The following TRIM66 variants were observed in gnomAD, a reference collection of about 807,000 sequenced individuals.
TRIM66 encodes tripartite motif containing 66, also known as tripartite motif-containing protein 66.
In TRIM66, 99 loss-of-function variants were observed where a neutral mutation model predicts 148.2. The observed-to-expected ratio is 0.67, with a 90% CI of 0.57 to 0.79. The LOEUF (loss-of-function observed/expected upper bound fraction) is 0.79. TRIM66 is among the 30% of genes least tolerant of loss of function. The probability of loss-of-function intolerance (pLI) is 0.00; values close to 1 mark genes in which losing one functional copy is unlikely to be tolerated. For synonymous variants in TRIM66, 616 were observed against 635.9 expected, an observed-to-expected ratio of 0.97 and a Z score of 0.47; for missense variants, 1,666 against 1,697.9, an observed-to-expected ratio of 0.98 and a Z score of 0.33.
In TRIM66 at chr11:8,646,440, T is replaced by C. The variant is rs1254690770; in HGVS notation, c.957+7A>G. ...CCCAACCATCTGATCCATCTGTCTA[T>C]ACATACCTCTAATTCCTCTATTAGC... On this transcript the variant is annotated splice_region_variant and intron_variant, in intron 11 of 24. Transcript: ENST00000646038. The C allele has an allele frequency of 1.3e-6, 2 of 1,550,636 alleles. No individual in the cohort carries two copies. Among genetic ancestry groups the C allele is most frequent in the East Asian group, 2.4e-5 (1 of 40,910 alleles).
intron 7 of TRIM66, among the ~76,000 whole-genome samples, chr11:8,650,358 G>C (rs1200557414): frequency 6.6e-6 from 1 of 152,026 alleles, no homozygotes; most frequent in African/African-American, 2.4e-5. Context: ...GGGCAACAGA[G>C]GAAGACCCTG....
chr11:8,663,908 G>A (rs1310733251), intron 6 of TRIM66, among the ~76,000 whole-genome samples: 1 of 152,110 alleles, frequency 6.6e-6, no homozygotes, highest in African/African-American at 2.4e-5. Flanking sequence ...CACTCACGTA[G>A]AATCTAAAAA....
intron 15 of TRIM66, among the ~76,000 whole-genome samples, chr11:8,627,545 G>A (rs116010578): frequency 0.015 from 2,356 of 152,260 alleles, 70 homozygotes; most frequent in African/African-American, 0.054. Context: ...AACCCCAGTT[G>A]TTTCTACTGC....
intron 3 of TRIM66, among the ~76,000 whole-genome samples, chr11:8,677,222 C>G (rs1776141955): frequency 6.6e-6 from 1 of 151,958 alleles, no homozygotes; most frequent in Admixed American, 6.6e-5. Flanking sequence ...ATGAGAGTAC[C>G]TACTCTTTGC....
intron 17 of TRIM66, among the ~76,000 whole-genome samples, chr11:8,623,964 G>A (rs1423953888): frequency 1.3e-5 from 2 of 152,148 alleles, no homozygotes; most frequent in East Asian, 1.9e-4. Flanking sequence ...TATCTTACCC[G>A]GGATCACAGG....
At position 8,613,683 on chromosome 11, in the gene TRIM66, G is replaced by A. The variant is rs1188586775; in HGVS notation, c.*4261C>T. 2 of 152,286 alleles carry A rather than the reference G, an allele frequency of 1.3e-5. No individual in the cohort carries two copies. The highest frequency in any genetic ancestry group is 2.9e-5 in the Non-Finnish European group (2 of 68,136). 9.4% of individuals were successfully genotyped at this position (152,286 alleles called of 1,614,324 possible). Reference sequence around the variant, plus strand: ...TGGAGTAAGCGAGGGAGCAGTCTTGGAGGACATACAACAGGATTCAAGATA... The same window carrying A: ...TGGAGTAAGCGAGGGAGCAGTCTTGAAGGACATACAACAGGATTCAAGATA... On this transcript the variant is annotated 3_prime_UTR_variant, in exon 25 of 25. Coordinates refer to ENST00000646038, the MANE Select transcript of TRIM66 (RefSeq NM_001388022.1).
chr11:8,636,411 T>G (rs1057375566), intron 15 of TRIM66, among the ~76,000 whole-genome samples: 1 of 152,220 alleles, frequency 6.6e-6, no homozygotes, highest in East Asian at 1.9e-4. Context: ...TCTGAACTAC[T>G]GACATCTAGA....
chr11:8,647,696 G>C (rs1488251125), intron 10 of TRIM66, among the ~76,000 whole-genome samples: 1 of 152,064 alleles, frequency 6.6e-6, no homozygotes, highest in Non-Finnish European at 1.5e-5. Context: ...CTCAAGCACC[G>C]ACTTCTGGCT....
intron 17 of TRIM66, among the ~76,000 whole-genome samples, chr11:8,623,748 C>T (rs777275482): frequency 2.2e-4 from 33 of 152,112 alleles, no homozygotes; most frequent in African/African-American, 6.5e-4. Context: ...AGCTGAGAAG[C>T]GAATCAGAAC....
chr11:8,646,936 C>T (rs1439438263), intron 10 of TRIM66, among the ~76,000 whole-genome samples: 1 of 33,760 alleles, frequency 3.0e-5, no homozygotes, highest in East Asian at 4.8e-4. Context: ...AGGCAGAATG[C>T]ATACTGCCTC....
At chr11:8,641,269 T>C in intron 13 of TRIM66, 117 bp from the exon 14 acceptor site, 1 of 945,108 alleles carries the variant, frequency 1.1e-6, no homozygotes, top group Non-Finnish European at 1.5e-6. Flanking sequence ...GAACAGAGAT[T>C]AAGAAACTCA....
At position 8,645,797 on chromosome 11, in the gene TRIM66, T is replaced by C; in HGVS notation, c.1048A>G (p.Ile350Val). 1 of 1,551,786 alleles carries C rather than the reference T, an allele frequency of 6.4e-7. No individual in the cohort carries two copies. Among genetic ancestry groups the C allele is most frequent in the Admixed American group, 2.0e-5 (1 of 50,998 alleles). ...GTTTTGCTGCAGACAGCCCAGTTGATGAAATTCTGCACATGCTCAAACTGA... is the reference window on the plus strand; with the variant it reads ...GTTTTGCTGCAGACAGCCCAGTTGACGAAATTCTGCACATGCTCAAACTGA... ...NRQFEHVQNF[I>V]NWAVCSKTSV... Residue 350 changes from isoleucine to valine, a missense_variant, in exon 12 of 25, where the codon ATC (isoleucine) becomes GTC (valine). Transcript: ENST00000646038.
At chr11:8,671,636 TCA>T in intron 6 of TRIM66, 148 bp downstream of exon 6, 1 of 602,950 alleles carries the variant, frequency 1.7e-6, no homozygotes, top group Non-Finnish European at 3.0e-6. Flanking sequence ...TCACTCTGTC[TCA>T]CAGATTCCCC....
At chr11:8,637,525 G>A (rs1222963015) in intron 15 of TRIM66, among the ~76,000 whole-genome samples, 2 of 152,086 alleles carry the variant, frequency 1.3e-5, no homozygotes, top group Non-Finnish European at 2.9e-5. Context: ...AAAGTCACCA[G>A]CAATTTCCAA....
chr11:8,630,453 A>G (rs376809702), intron 15 of TRIM66, among the ~76,000 whole-genome samples: 1 of 152,228 alleles, frequency 6.6e-6, no homozygotes, highest in African/African-American at 2.4e-5. Context: ...TCATCTTTAC[A>G]TACAAAACCT....
intron 6 of TRIM66, among the ~76,000 whole-genome samples, chr11:8,659,440 G>A (rs1047473534): frequency 5.9e-5 from 9 of 152,304 alleles, no homozygotes; most frequent in Admixed American, 3.9e-4. Context: ...GGATGTTGGG[G>A]CTAGTGGTGG....
chr11:8,672,356 T>C lies in TRIM66; in HGVS notation c.-82A>G. 2.0e-6 allele frequency: 3 copies of C among 1,526,302 alleles called. No homozygotes were observed. The highest frequency in any genetic ancestry group is 2.6e-6 in the Non-Finnish European group (3 of 1,143,874). The allele number at this position is 1,526,302 out of a possible 1,614,324, so 94.5% of individuals were successfully genotyped here. A position where few individuals can be genotyped will look rare whatever the true frequency, so the allele number is the denominator to read the frequency against. The stretch of plus-strand genomic sequence containing the variant: ...ACCCTTCAAAAGTGTCCCGTACCTG[T>C]GCCTCTCCTTATTGGTAGACAAGCT... On this transcript the variant is annotated 5_prime_UTR_variant, in exon 5 of 25. Coordinates refer to ENST00000646038, the MANE Select transcript of TRIM66 (RefSeq NM_001388022.1).
chr11:8,680,403 A>G (rs185400906), intron 1 of TRIM66, among the ~76,000 whole-genome samples: 1 of 152,354 alleles, frequency 6.6e-6, no homozygotes, highest in Admixed American at 6.5e-5. Flanking sequence ...GAGTGAACAA[A>G]GGAAGGTGTT....
intron 15 of TRIM66, among the ~76,000 whole-genome samples, chr11:8,630,553 A>G (rs1276717003): frequency 1.3e-5 from 2 of 152,192 alleles, no homozygotes; most frequent in African/African-American, 2.4e-5. Context: ...CAAAATGCCA[A>G]AACACATTCA....
Sources: allele counts gnomAD v4.1 joint callset (sites outside exome capture counted in the v4.1 genomes callset), GRCh38; gene constraint gnomAD v4.1.1; transcripts MANE v1.5; gene names NCBI Gene and HGNC (gene_info 2026-07-23, HGNC 2026-07-21).